The following DSCAML1 variants were observed in gnomAD, a reference collection of about 807,000 sequenced individuals.
The protein encoded by DSCAML1 is DS cell adhesion molecule like 1.
Under a neutral mutation model 200.5 loss-of-function variants are expected in DSCAML1, and 38 were observed. The observed-to-expected ratio is 0.19, with a 90% CI of 0.15 to 0.25. The LOEUF is 0.25. Among genes scored for constraint, DSCAML1 ranks in the 10% least tolerant of loss-of-function variants. The probability of loss-of-function intolerance (pLI) is 1.00; values close to 1 mark genes in which losing one functional copy is unlikely to be tolerated. For synonymous variants in DSCAML1, 1,215 were observed against 1,165.0 expected (o/e 1.04, Z -0.87); for missense variants, 2,223 against 2,858.8 (o/e 0.78, Z 5.07).
chr11:117,601,413 A>G (rs1370292662), intron 3 of DSCAML1, among the ~76,000 whole-genome samples: 1 of 152,208 alleles, frequency 6.6e-6, no homozygotes, highest in Admixed American at 6.5e-5. Flanking sequence ...TGAGGTCAAG[A>G]GGGCCCAGCT....
At chr11:117,572,435 A>G (rs1229712290) in intron 3 of DSCAML1, among the ~76,000 whole-genome samples, 5 of 152,192 alleles carry the variant, frequency 3.3e-5, no homozygotes, top group Non-Finnish European at 5.9e-5. Context: ...TTTCACCACC[A>G]TGATAATGAA....
At chr11:117,465,238 C>T (rs2048557522) in intron 16 of DSCAML1, 56 bp from the exon 17 acceptor site, 1 of 1,589,998 alleles carries the variant, frequency 6.3e-7, no homozygotes, top group African/African-American at 1.3e-5. Flanking sequence ...TGAGATGATG[C>T]TCTTAAAACC....
At chr11:117,559,359 T>G (rs1325191654) in intron 3 of DSCAML1, among the ~76,000 whole-genome samples, 2 of 152,110 alleles carry the variant, frequency 1.3e-5, no homozygotes, top group African/African-American at 4.8e-5. Context: ...GACCCCGAGT[T>G]TTTAGACAAA....
Position 117,644,778 on chromosome 11 carries a change from G to A in DSCAML1, c.512-112256C>T, listed in dbSNP as rs192480798. ...CTGAAGGGGCACCCCCAGCCCCTGTGCGGTAGACTCCACTCTCAAATAGCT... is the reference window on the plus strand; with the variant it reads ...CTGAAGGGGCACCCCCAGCCCCTGTACGGTAGACTCCACTCTCAAATAGCT... On this transcript the variant is annotated intron_variant, in intron 3 of 32. Coordinates refer to ENST00000651296, the MANE Select transcript of DSCAML1 (RefSeq NM_020693.4). 9.2e-5 allele frequency among the ~76,000 whole-genome samples: 14 copies of A among 152,334 alleles called. No homozygotes were observed. In the East Asian group the frequency reaches 2.3e-3, roughly 25 times the overall value.
chr11:117,505,912 T>C lies in DSCAML1; in HGVS notation c.1784-180A>G, dbSNP rs2049487266. Among the ~76,000 whole-genome samples, 1 of 152,216 alleles carries C rather than the reference T, an allele frequency of 6.6e-6. No individual in the cohort carries two copies. The highest frequency in any genetic ancestry group is 2.4e-5 in the African/African-American group (1 of 41,470). ...CCTAATGATGCCTGGCTCCTGTCCC[T>C]CTGCCCGCCCAGGCTGGGACCCACT... On this transcript the variant is annotated intron_variant, in intron 8 of 32. Transcript: ENST00000651296. The surrounding 1 kb of genome is among the most constrained non-coding windows in gnomAD (Gnocchi z 6.7).
intron 1 of DSCAML1, among the ~76,000 whole-genome samples, chr11:117,785,036 A>G (rs2055325423): frequency 6.6e-6 from 1 of 152,194 alleles, no homozygotes; most frequent in South Asian, 2.1e-4. Flanking sequence ...TGCACCCTTC[A>G]GTGTCCTCCT....
intron 3 of DSCAML1, among the ~76,000 whole-genome samples, chr11:117,598,494 G>A (rs2051404080): frequency 6.6e-6 from 1 of 152,208 alleles, no homozygotes; most frequent in Non-Finnish European, 1.5e-5. Context: ...TTAGGAGATT[G>A]CAGCTGTCCA....
At chr11:117,629,320 G>A (rs1195610720) in intron 3 of DSCAML1, among the ~76,000 whole-genome samples, 1 of 152,094 alleles carries the variant, frequency 6.6e-6, no homozygotes, top group East Asian at 1.9e-4. Flanking sequence ...TGAGACCTGA[G>A]TGTCCGCCAT....
intron 3 of DSCAML1, among the ~76,000 whole-genome samples, chr11:117,682,382 C>T (rs749513429): frequency 6.6e-6 from 1 of 152,178 alleles, no homozygotes; most frequent in Non-Finnish European, 1.5e-5. Flanking sequence ...CACTCATTCC[C>T]CTCTGCCTGA....
intron 3 of DSCAML1, among the ~76,000 whole-genome samples, chr11:117,637,345 T>A (rs2052311114): frequency 2.7e-5 from 3 of 111,512 alleles, no homozygotes; most frequent in South Asian, 3.2e-4. Context: ...TGCTCAATAA[T>A]TTTTTTTTTT....
chr11:117,698,694 T>C (rs935849149), intron 3 of DSCAML1, among the ~76,000 whole-genome samples: 2 of 152,244 alleles, frequency 1.3e-5, no homozygotes, highest in African/African-American at 2.4e-5. Flanking sequence ...GAGCATCTTT[T>C]CATGTGCTTA....
At position 117,521,334 on chromosome 11, in the gene DSCAML1, C is replaced by A. The variant is rs779602155; in HGVS notation, c.1009G>T (p.Ala337Ser). The change falls in exon 6 of 33, where the codon GCC becomes TCC. Residue 337 changes from alanine (A) to serine (S), a missense_variant. Physicochemically the swap from Ala to Ser is moderately conservative, Grantham distance 99 (BLOSUM62 1). Coordinates refer to ENST00000651296, the MANE Select transcript of DSCAML1 (RefSeq NM_020693.4). The stretch of plus-strand genomic sequence containing the variant: ...GTGAACTCTGGGGAGCCCGTCAGGG[C>A]ACAGGAGAGGATGACCGTGCTGCCA... ...GIGSTVILSC[A>S]LTGSPEFTIR... 38 of 1,614,050 alleles carry A rather than the reference C, an allele frequency of 2.4e-5. No individual in the cohort carries two copies. In the Admixed American group the frequency reaches 2.7e-4, roughly 11 times the overall value.
intron 1 of DSCAML1, among the ~76,000 whole-genome samples, chr11:117,807,298 T>C (rs1306909221): frequency 6.6e-6 from 1 of 152,000 alleles, no homozygotes; most frequent in African/African-American, 2.4e-5. Flanking sequence ...CCTGGTGGGG[T>C]TGTTGACACA....
chr11:117,637,193 T>C (rs1340829827), intron 3 of DSCAML1, among the ~76,000 whole-genome samples: 2 of 152,056 alleles, frequency 1.3e-5, no homozygotes, highest in Non-Finnish European at 2.9e-5. Flanking sequence ...TTCCCTATGC[T>C]CACTGCAATC....
chr11:117,631,708 G>A (rs1033093067), intron 3 of DSCAML1, among the ~76,000 whole-genome samples: 3 of 152,198 alleles, frequency 2.0e-5, no homozygotes, highest in Non-Finnish European at 4.4e-5. Context: ...GTGTGTGTGT[G>A]TGTATGCATG....
intron 3 of DSCAML1, among the ~76,000 whole-genome samples, chr11:117,769,470 T>A (rs1482182405): frequency 1.2e-5 from 1 of 83,338 alleles, no homozygotes; most frequent in African/African-American, 6.1e-5. Flanking sequence ...AATATATATT[T>A]TATATATATA....
intron 11 of DSCAML1, among the ~76,000 whole-genome samples, chr11:117,486,509 C>T (rs1164451210): frequency 6.6e-6 from 1 of 152,098 alleles, no homozygotes; most frequent in East Asian, 1.9e-4. Context: ...AGGCGCATGT[C>T]TCAGGCAAGA....
chr11:117,799,579 G>A (rs144952625), upstream of DSCAML1, among the ~76,000 whole-genome samples: 688 of 152,314 alleles, frequency 4.5e-3, 23 homozygotes, highest in Admixed American at 0.04. Flanking sequence ...GGAAATAAAC[G>A]GGTGGTCAGT....
At chr11:117,528,915 G>C (rs2050025316) in intron 4 of DSCAML1, among the ~76,000 whole-genome samples, 1 of 151,558 alleles carries the variant, frequency 6.6e-6, no homozygotes, top group Non-Finnish European at 1.5e-5. Flanking sequence ...ACAGAAAAAT[G>C]AAAGTTGCCG....
Sources: gnomAD v4.1 joint callset for allele counts (sites outside exome capture counted in the v4.1 genomes callset) on GRCh38, gnomAD v4.1.1 for gene constraint, Gnocchi (gnomAD v3.1) non-coding constraint, MANE v1.5 for transcripts, NCBI Gene and HGNC (gene_info 2026-07-23, HGNC 2026-07-21) for gene names.